Variants in CRHBP observed in about 807,000 individuals in gnomAD.
The protein encoded by CRHBP is corticotropin-releasing hormone-binding protein.
A neutral mutation model predicts 34.9 loss-of-function variants in CRHBP; 19 were observed. The ratio of observed to expected loss-of-function variants is 0.55; its 90% CI spans 0.38 to 0.80. The LOEUF is 0.80. Among genes scored for constraint, CRHBP ranks in the 30% least tolerant of loss-of-function variants. The probability of loss-of-function intolerance (pLI) is 0.00; values close to 1 mark genes in which losing one functional copy is unlikely to be tolerated. For missense variants in CRHBP, 328 were observed against 409.2 expected (o/e 0.80, Z 1.71); for synonymous variants, 154 against 153.4 (o/e 1.00, Z -0.03).
chr5:76,970,118 G>C (rs979314801), downstream of CRHBP, among the ~76,000 whole-genome samples: 1 of 151,600 alleles, frequency 6.6e-6, no homozygotes, highest in African/African-American at 2.4e-5. Context: ...GCTAATTTTT[G>C]TATTTTTGGT....
chr5:76,968,584 A>G (rs2150709653), intron 6 of CRHBP, 144 bp from the exon 7 acceptor site: 1 of 652,478 alleles, frequency 1.5e-6, no homozygotes, highest in East Asian at 2.9e-5. Context: ...AAACATTTCA[A>G]CTGATAGTAG....
rs1271547428 is a variant in CRHBP, at chr5:76,955,876, A to G, written c.544+13A>G. 2 of 1,611,578 alleles carry G rather than the reference A, an allele frequency of 1.2e-6. No individual in the cohort carries two copies. Among genetic ancestry groups the G allele is most frequent in the Admixed American group, 3.3e-5 (2 of 59,938 alleles). On this transcript the variant is annotated intron_variant, in intron 4 of 6. Transcript: ENST00000274368. Reference sequence around the variant, plus strand: ...CCCAACCTCTTTCGTAAGTGTTCTCAGTCAAAAGGCAGAACTTCGGATATA... The same window carrying G: ...CCCAACCTCTTTCGTAAGTGTTCTCGGTCAAAAGGCAGAACTTCGGATATA...
intron 2 of CRHBP, among the ~76,000 whole-genome samples, chr5:76,975,861 T>TACAC (rs10683419): frequency 0.21 from 22,220 of 107,020 alleles, 3,105 homozygotes; most frequent in African/African-American, 0.37. Flanking sequence ...CATATATATA[T>TACAC]ACACACACAT....
intron 3 of CRHBP, among the ~76,000 whole-genome samples, chr5:76,977,293 T>C (rs76698252): frequency 0.013 from 2,052 of 152,360 alleles, 52 homozygotes; most frequent in African/African-American, 0.045. Context: ...TACCTTGTTT[T>C]ATTGCACTTC....
At chr5:76,969,934 C>CT (rs201228247), downstream of CRHBP, among the ~76,000 whole-genome samples, 2,101 of 61,626 alleles carry the variant, frequency 0.034, 449 homozygotes, top group Non-Finnish European at 0.038. Context: ...AAAGAAAATT[C>CT]TTTTTTTTTT....
Position 76,968,810 on chromosome 5 carries a change from T to C in CRHBP, c.894T>C (p.Tyr298=). The change falls in exon 7 of 7, where the codon TAT becomes TAC. Residue 298 remains tyrosine, a synonymous_variant. Transcript: ENST00000274368. ...ACGTAAATCGTGTGACTTTTGAGTA[T>C]CGTCAGCTGGAGCCGTACGAGCTGG... ...GKHVNRVTFE[Y]RQLEPYELEN... The C allele has an allele frequency of 6.2e-7, 1 of 1,614,208 alleles. No homozygotes were observed. Among genetic ancestry groups the C allele is most frequent in the Non-Finnish European group, 8.5e-7 (1 of 1,180,022 alleles).
chr5:76,970,354 T>C (rs2150710355), downstream of CRHBP, among the ~76,000 whole-genome samples: 1 of 152,256 alleles, frequency 6.6e-6, no homozygotes, highest in African/African-American at 2.4e-5. Context: ...TTAATATGAT[T>C]GGCATATACT....
At chr5:76,979,225 G>A (rs1272625334) in intron 3 of CRHBP, among the ~76,000 whole-genome samples, 2 of 151,990 alleles carry the variant, frequency 1.3e-5, no homozygotes, top group Non-Finnish European at 2.9e-5. Flanking sequence ...AGGCTGGAGT[G>A]TAGTGTGCAA....
chr5:76,954,872 AT>A (rs1745644516), intron 3 of CRHBP, among the ~76,000 whole-genome samples: 1 of 152,234 alleles, frequency 6.6e-6, no homozygotes, highest in Non-Finnish European at 1.5e-5. Flanking sequence ...TCCAATTAAA[AT>A]AATCATGATT....
intron 5 of CRHBP, chr5:76,959,100 T>C (rs1313748608): frequency 4.2e-6 from 2 of 478,958 alleles, no homozygotes; most frequent in Middle Eastern, 3.9e-4. Context: ...CAGGTGCCCC[T>C]TCTGACTACT....
At position 76,953,157 on chromosome 5, in the gene CRHBP, A is replaced by C. The variant is rs774061204; in HGVS notation, c.23A>C (p.Gln8Pro). Reference sequence around the variant, plus strand: ...AGCATGTCGCCCAACTTCAAACTTCAGTGTCACTTCATTCTCATCTTCCTG... The same window carrying C: ...AGCATGTCGCCCAACTTCAAACTTCCGTGTCACTTCATTCTCATCTTCCTG... The part of the protein sequence containing the change: MSPNFKL[Q>P]CHFILIFLTA... Residue 8 changes from glutamine (Q) to proline (P), a missense_variant, in exon 1 of 7, where the codon CAG becomes CCG. Gln to Pro is a moderately conservative substitution (Grantham distance 76). Around this residue, in one of 3 missense-constraint regions of CRHBP, gnomAD observed 11 missense variants for 20.3 expected, o/e 0.54. Transcript: ENST00000274368. 1.9e-6 allele frequency: 3 copies of C among 1,614,074 alleles called. No individual in the cohort carries two copies. The African/African-American group carries it at 4.0e-5, about 22-fold the overall frequency.
intron 1 of CRHBP, 62 bp from the exon 2 acceptor site, chr5:76,953,539 C>T (rs1745607007): frequency 2.0e-6 from 3 of 1,505,026 alleles, no homozygotes; most frequent in Non-Finnish European, 2.7e-6. Flanking sequence ...TGCCCCGCTC[C>T]TGGTCCCCTT....
Position 76,958,852 on chromosome 5 carries a change from A to C in CRHBP, c.656A>C (p.Asp219Ala), listed in dbSNP as rs1248665829. 6.2e-7 allele frequency: 1 copy of C among 1,614,056 alleles called. No individual in the cohort carries two copies. The highest frequency in any genetic ancestry group is 8.5e-7 in the Non-Finnish European group (1 of 1,179,992). Reference protein sequence around the residue: ...IIYPVVIKISDLTLGHVNGLQ... With the variant: ...IIYPVVIKISALTLGHVNGLQ... ...TATCCTGTGGTGATCAAAATATCTG[A>C]TCTTACCCTGGGACACGTAAATGGT... Residue 219 changes from aspartate to alanine, a missense_variant, in exon 5 of 7, where the codon GAT becomes GCT. Coordinates refer to ENST00000274368, the MANE Select transcript of CRHBP (RefSeq NM_001882.4).
chr5:76,974,171 C>G (rs1745986894), downstream of CRHBP, among the ~76,000 whole-genome samples: 1 of 151,880 alleles, frequency 6.6e-6, no homozygotes. Flanking sequence ...CATGTGTCAC[C>G]ATGCCTGGCT....
Position 76,969,105 on chromosome 5 carries a change from T to TA in CRHBP, c.*222dup, listed in dbSNP as rs1176435901. ...CTGTAAATGAACACATGGCAGAAAA[T>TA]AACCCCTGATTGGTAGGATCATAGT... On this transcript the variant is annotated 3_prime_UTR_variant, in exon 7 of 7. Coordinates refer to ENST00000274368, the MANE Select transcript of CRHBP (RefSeq NM_001882.4). 4 of 439,952 alleles carry TA rather than the reference T, an allele frequency of 9.1e-6. No homozygotes were observed. Among genetic ancestry groups the TA allele is most frequent in the Non-Finnish European group, 1.6e-5 (4 of 252,084 alleles). The allele number at this position is 439,952 out of a possible 1,614,324, so 27.3% of individuals were successfully genotyped here.
chr5:76,956,740 T>G (rs1481689221), intron 4 of CRHBP, among the ~76,000 whole-genome samples: 1 of 149,098 alleles, frequency 6.7e-6, no homozygotes, highest in African/African-American at 2.5e-5. Flanking sequence ...AAAAAAAAAA[T>G]GAATTTACTC....
chr5:76,961,107 T>C (rs759432706), intron 5 of CRHBP, among the ~76,000 whole-genome samples: 1 of 152,160 alleles, frequency 6.6e-6, no homozygotes, highest in African/African-American at 2.4e-5. Context: ...AGGCAAAAGA[T>C]AGTAGTGGCT....
chr5:76,954,083 C>T lies in CRHBP; in HGVS notation c.230C>T (p.Pro77Leu), dbSNP rs79810800. 2.8e-4 allele frequency: 445 copies of T among 1,613,858 alleles called. No homozygotes were observed. Among genetic ancestry groups the T allele is most frequent in the Admixed American group, 3.7e-4 (22 of 59,996 alleles). The change falls in exon 3 of 7, where the codon CCG becomes CTG. Residue 77 changes from proline to leucine, a missense_variant. Coordinates refer to ENST00000274368, the MANE Select transcript of CRHBP (RefSeq NM_001882.4). ...QGQFTFTADRPQLHCAAFFIS... is the reference protein window; with the variant it reads ...QGQFTFTADRLQLHCAAFFIS... ...CAGTTCACCTTCACCGCCGACCGGC[C>T]GCAGCTGCACTGCGCAGCCTTCTTC...
rs917897891 is a variant in CRHBP, at chr5:76,954,043, C to A, written c.190C>A (p.Leu64Met). 2 of 1,613,462 alleles carry A rather than the reference C, an allele frequency of 1.2e-6. No homozygotes were observed. The highest frequency in any genetic ancestry group is 1.7e-6 in the Non-Finnish European group (2 of 1,179,742). The change falls in exon 3 of 7, where the codon CTG becomes ATG. Residue 64 changes from leucine (L) to methionine (M), a missense_variant. Coordinates refer to ENST00000274368, the MANE Select transcript of CRHBP (RefSeq NM_001882.4). ...TCCTCCCCCAGGGTGCCTGGACATG[C>A]TGAGCCTCCAGGGCCAGTTCACCTT... ...YRRALRCLDM[L>M]SLQGQFTFTA...
Sources: allele counts gnomAD v4.1 joint callset (sites outside exome capture counted in the v4.1 genomes callset), GRCh38; gene constraint gnomAD v4.1.1; regional missense constraint gnomAD v4.1.1; transcripts MANE v1.5; gene names NCBI Gene and HGNC (gene_info 2026-07-23, HGNC 2026-07-21).